Variants in DOCK2 observed in about 807,000 individuals in gnomAD.
The protein encoded by DOCK2 is dedicator of cytokinesis 2.
DOCK2 carries 87 observed loss-of-function variants against 248.9 expected under a neutral mutation model. The ratio of observed to expected loss-of-function variants is 0.35; its 90% CI spans 0.29 to 0.42. DOCK2 has a LOEUF of 0.42. DOCK2 is among the 10% of genes least tolerant of loss of function. DOCK2 has a pLI of 1.00. For synonymous variants in DOCK2, 805 were observed against 821.6 expected (o/e 0.98, Z 0.35); for missense variants, 1,747 against 2,300.2 (o/e 0.76, Z 4.92).
At chr5:169,978,827 C>T (rs1777832119) in intron 27 of DOCK2, among the ~76,000 whole-genome samples, 1 of 152,162 alleles carries the variant, frequency 6.6e-6, no homozygotes, top group African/African-American at 2.4e-5. Flanking sequence ...GCGATGATTG[C>T]ACTTATTTTT....
In DOCK2 at chr5:169,671,135, A is replaced by C. The variant is rs552569510; in HGVS notation, c.282A>C (p.Thr94=). ...CTCTGGCACAAGAAGTGACAACGAC[A>C]CTTTGGGAATGGGGAAGCATCTGGA... ...EIPLAQEVTT[T]LWEWGSIWKQ... The change falls in exon 5 of 52, where the codon ACA becomes ACC. Residue 94 remains threonine (T), a synonymous_variant. Transcript: ENST00000520908. 3 of 1,614,042 alleles carry C rather than the reference A, an allele frequency of 1.9e-6. No homozygotes were observed. Among genetic ancestry groups the C allele is most frequent in the African/African-American group, 1.3e-5 (1 of 75,036 alleles).
chr5:169,793,207 A>G (rs1766458982), intron 25 of DOCK2, among the ~76,000 whole-genome samples: 1 of 152,224 alleles, frequency 6.6e-6, no homozygotes, highest in African/African-American at 2.4e-5. Flanking sequence ...CAAAATGCAT[A>G]TGCTTACACA....
At chr5:169,759,106 G>T (rs981594069) in intron 23 of DOCK2, among the ~76,000 whole-genome samples, 1 of 152,264 alleles carries the variant, frequency 6.6e-6, no homozygotes, top group East Asian at 1.9e-4. Flanking sequence ...CTTTAAGAGA[G>T]GAAGCAATCC....
intron 27 of DOCK2, chr5:169,864,559 G>T: frequency 1.0e-6 from 1 of 980,596 alleles, no homozygotes; most frequent in Non-Finnish European, 1.5e-6. Context: ...CATGAGCTTT[G>T]GGATCAAATC....
At chr5:169,668,349 G>A (rs377395259) in intron 2 of DOCK2, among the ~76,000 whole-genome samples, 36 of 152,030 alleles carry the variant, frequency 2.4e-4, no homozygotes, top group African/African-American at 6.8e-4. Context: ...AAGCTATCAC[G>A]GCCCCCTGTT....
intron 1 of DOCK2, among the ~76,000 whole-genome samples, chr5:169,640,518 T>A (rs1166841359): frequency 6.6e-6 from 1 of 152,180 alleles, no homozygotes; most frequent in Non-Finnish European, 1.5e-5. Context: ...ACATATGGAG[T>A]ACTCAAAGGG....
chr5:169,886,480 A>G (rs941323339), intron 27 of DOCK2, among the ~76,000 whole-genome samples: 7 of 152,332 alleles, frequency 4.6e-5, no homozygotes, highest in South Asian at 2.1e-4. Context: ...CTCCTCAGAT[A>G]ATAATTAAGC....
chr5:169,995,756 A>G (rs1754598386), intron 29 of DOCK2, among the ~76,000 whole-genome samples: 1 of 151,954 alleles, frequency 6.6e-6, no homozygotes, highest in South Asian at 2.1e-4. Flanking sequence ...CAGGTTGTTT[A>G]TTTGTTTGTT....
At position 170,081,985 on chromosome 5, in the gene DOCK2, G is replaced by A. The variant is rs1475002519; in HGVS notation, c.5430+1G>A. The A allele has an allele frequency of 6.2e-7, 1 of 1,613,740 alleles. No homozygotes were observed. Among genetic ancestry groups the A allele is most frequent in the Non-Finnish European group, 8.5e-7 (1 of 1,179,778 alleles). ...GGTCAATCAGTTCTTCAAGACAATG[G>A]TGAGGACATTGAGGGTGGAAGGAAA... On this transcript the variant is annotated splice_donor_variant, in intron 51 of 51. Transcript: ENST00000520908. LOFTEE classifies it high-confidence loss of function.
At chr5:170,065,990 C>T (rs1228258523) in intron 44 of DOCK2, among the ~76,000 whole-genome samples, 55 of 140,010 alleles carry the variant, frequency 3.9e-4, no homozygotes, top group Non-Finnish European at 6.9e-4. Context: ...CTCGCTCTGT[C>T]GCCGAGGCTG....
intron 34 of DOCK2, among the ~76,000 whole-genome samples, chr5:170,029,910 C>T (rs1028397273): frequency 6.6e-6 from 1 of 152,262 alleles, no homozygotes; most frequent in Non-Finnish European, 1.5e-5. Context: ...GCCATCTCAG[C>T]TGGCCCCTGT....
intron 39 of DOCK2, among the ~76,000 whole-genome samples, chr5:170,047,081 A>G (rs1328161038): frequency 1.3e-5 from 2 of 152,204 alleles, no homozygotes; most frequent in Non-Finnish European, 2.9e-5. Flanking sequence ...CATGCACAGG[A>G]AAACATCTGT....
rs116179890 is a variant in DOCK2 at position 170,060,410 on chromosome 5, G to A, written c.4467+2744G>A. 2.5e-3 allele frequency among the ~76,000 whole-genome samples: 374 copies of A among 152,308 alleles called. 1 individual carries two copies. Among genetic ancestry groups the A allele is most frequent in the South Asian group, 0.022 (104 of 4,820 alleles). On this transcript the variant is annotated intron_variant, in intron 44 of 51. Transcript: ENST00000520908. ...ATACCTTCATAGCCTAGTAAGGGCTGTGGCAAAGTGCAGTAGCAACAGCCC... is the reference window on the plus strand; with the variant it reads ...ATACCTTCATAGCCTAGTAAGGGCTATGGCAAAGTGCAGTAGCAACAGCCC...
chr5:170,065,982 C>T (rs1294665653), intron 44 of DOCK2, among the ~76,000 whole-genome samples: 6 of 138,444 alleles, frequency 4.3e-5, no homozygotes, highest in Non-Finnish European at 7.6e-5. Flanking sequence ...GACAGAGTCT[C>T]GCTCTGTCGC....
At chr5:169,846,584 G>GTATA (rs371264304) in intron 27 of DOCK2, among the ~76,000 whole-genome samples, 3,722 of 138,586 alleles carry the variant, frequency 0.027, 151 homozygotes, top group South Asian at 0.14. Flanking sequence ...GATAGAAAGT[G>GTATA]TATATATATA....
At chr5:169,995,966 C>A in intron 29 of DOCK2, 120 bp from the exon 30 acceptor site, 1 of 951,356 alleles carries the variant, frequency 1.1e-6, no homozygotes, top group Non-Finnish European at 1.6e-6. Flanking sequence ...CTCTCTAAAT[C>A]AGTAATTTGG....
chr5:169,714,245 AGT>A lies in DOCK2; in HGVS notation c.1843+43_1843+44del, dbSNP rs747670017. On this transcript the variant is annotated intron_variant, in intron 18 of 51. Coordinates refer to ENST00000520908, the MANE Select transcript of DOCK2 (RefSeq NM_004946.3). ...GTCATCAAGAGTTGTGTCTGTGGGG[AGT>A]GTGTGTGTCCGTGTGTGTGTACATG... 3 of 1,599,456 alleles carry A rather than the reference AGT, an allele frequency of 1.9e-6. No homozygotes were observed. The East Asian group carries it at 6.7e-5, about 36-fold the overall frequency.
At chr5:169,981,401 T>A (rs957702191) in intron 27 of DOCK2, among the ~76,000 whole-genome samples, 1 of 152,198 alleles carries the variant, frequency 6.6e-6, no homozygotes, top group African/African-American at 2.4e-5. Flanking sequence ...AAATTGAAGG[T>A]TTGTGGCAAC....
chr5:169,773,050 G>A (rs1209898430), intron 25 of DOCK2: 1 of 152,198 alleles, frequency 6.6e-6, no homozygotes. Flanking sequence ...CGTTTCAACT[G>A]CAGTGTCACA....
Sources: gnomAD v4.1 joint callset for allele counts (sites outside exome capture counted in the v4.1 genomes callset) on GRCh38, gnomAD v4.1.1 for gene constraint, MANE v1.5 for transcripts, NCBI Gene and HGNC (gene_info 2026-07-23, HGNC 2026-07-21) for gene names.